PIK3C2G: variants seen among roughly 807,000 people sequenced by gnomAD.
The protein encoded by PIK3C2G is phosphatidylinositol-4-phosphate 3-kinase catalytic subunit type 2 gamma, also known as phosphatidylinositol 3-kinase C2 domain-containing subunit gamma.
Under a neutral mutation model 181.1 loss-of-function variants are expected in PIK3C2G, and 168 were observed. The ratio of observed to expected loss-of-function variants is 0.93; its 90% CI spans 0.82 to 1.05. The LOEUF (loss-of-function observed/expected upper bound fraction) is 1.05. PIK3C2G is among the 50% of genes least tolerant of loss of function. The pLI is 0.00. For synonymous variants in PIK3C2G, 573 were observed against 592.2 expected, an observed-to-expected ratio of 0.97 and a Z score of 0.47; for missense variants, 1,869 against 1,732.8, an observed-to-expected ratio of 1.08 and a Z score of -1.40.
chr12:18,723,646 G>T, the PIK3C2G span: 1 of 923,174 alleles, frequency 1.1e-6, no homozygotes, highest in Non-Finnish European at 1.7e-6. Context: ...CTTGAAAGAA[G>T]ATGAAAATTA....
intron 6 of PIK3C2G, chr12:18,314,428 C>T (rs1565588332): frequency 6.1e-6 from 1 of 163,542 alleles, no homozygotes; most frequent in Non-Finnish European, 1.3e-5. Flanking sequence ...TGGTAAGTGC[C>T]CTTATAAAAA....
intron 8 of PIK3C2G, among the ~76,000 whole-genome samples, chr12:18,333,410 T>C (rs1938181902): frequency 2.0e-5 from 3 of 152,082 alleles, no homozygotes; most frequent in Non-Finnish European, 1.5e-5. Flanking sequence ...CTACATTAAG[T>C]ATTTCTCCTA....
chr12:18,465,707 T>G (rs1174843779), intron 18 of PIK3C2G, among the ~76,000 whole-genome samples: 1 of 151,852 alleles, frequency 6.6e-6, no homozygotes, highest in Non-Finnish European at 1.5e-5. Flanking sequence ...TTCTGGCCAT[T>G]TTTAAGACTT....
At chr12:18,292,227 A>AAAAAAAAAAAAATATATATATAT in intron 4 of PIK3C2G, among the ~76,000 whole-genome samples, 1 of 48,750 alleles carries the variant, frequency 2.1e-5, no homozygotes, top group Non-Finnish European at 3.3e-5. Context: ...AAAAAAAAAA[A>AAAAAAAAAAAAATATATATATAT]ATATATATAT....
chr12:18,579,333 T>C (rs191643225), intron 29 of PIK3C2G, among the ~76,000 whole-genome samples: 1 of 152,346 alleles, frequency 6.6e-6, no homozygotes, highest in East Asian at 1.9e-4. Flanking sequence ...AACTTGCTAA[T>C]ATGAAATATT....
upstream of PIK3C2G, among the ~76,000 whole-genome samples, chr12:18,261,106 T>C (rs1948220717): frequency 6.6e-6 from 1 of 152,104 alleles, no homozygotes; most frequent in Non-Finnish European, 1.5e-5. Context: ...ACAGAATGGC[T>C]AGAATACCTT....
At chr12:18,668,194 C>A in the PIK3C2G span, among the ~76,000 whole-genome samples, 2 of 152,134 alleles carry the variant, frequency 1.3e-5, 1 homozygote, top group South Asian at 4.1e-4. Context: ...TCCAGTCATA[C>A]TTTCAATAAC....
At chr12:18,266,522 G>C (rs935961981) in intron 1 of PIK3C2G, among the ~76,000 whole-genome samples, 2 of 152,054 alleles carry the variant, frequency 1.3e-5, no homozygotes, top group Non-Finnish European at 2.9e-5. Flanking sequence ...TTTTTAAAGA[G>C]TTACTATTAG....
At chr12:18,678,196 TAG>T in the PIK3C2G span, among the ~76,000 whole-genome samples, 2 of 152,060 alleles carry the variant, frequency 1.3e-5, no homozygotes, top group African/African-American at 4.8e-5. Flanking sequence ...CTGATCCAAT[TAG>T]AGGTCTGGCT....
chr12:18,420,315 A>G (rs143688307), intron 16 of PIK3C2G, among the ~76,000 whole-genome samples: 1 of 152,216 alleles, frequency 6.6e-6, no homozygotes, highest in East Asian at 1.9e-4. Context: ...TTCAAATGCT[A>G]AATACCTCAC....
At chr12:18,718,421 T>TA in the PIK3C2G span, among the ~76,000 whole-genome samples, 1 of 152,268 alleles carries the variant, frequency 6.6e-6, no homozygotes, top group Non-Finnish European at 1.5e-5. Context: ...GCAGCTGGGA[T>TA]AAAATCTATT....
At position 18,476,871 on chromosome 12, in the gene PIK3C2G, G is replaced by GA. The variant is rs796118267; in HGVS notation, c.2505-11567dup. 6.9e-3 allele frequency among the ~76,000 whole-genome samples: 990 copies of GA among 142,960 alleles called. 11 individuals are homozygous for GA. The highest frequency in any genetic ancestry group is 0.022 in the African/African-American group (869 of 39,238). The allele number at this position is 142,960 out of a possible 152,430, so 93.8% of individuals were successfully genotyped here. ...TAAATAGATGAACATGGTCTGGATT[G>GA]AAAAAAAAAAAGAGTTCTAAGTTGG... On this transcript the variant is annotated intron_variant, in intron 18 of 32. Transcript: ENST00000538779.
At chr12:18,367,674 C>A (rs1464810987) in intron 12 of PIK3C2G, among the ~76,000 whole-genome samples, 1 of 152,126 alleles carries the variant, frequency 6.6e-6, no homozygotes, top group African/African-American at 2.4e-5. Flanking sequence ...CCTGCCTCAG[C>A]CTCCCAAGTA....
At chr12:18,391,044 A>G (rs905733457) in intron 14 of PIK3C2G, 78 bp from the exon 15 acceptor site, 4 of 1,010,394 alleles carry the variant, frequency 4.0e-6, no homozygotes, top group Middle Eastern at 2.7e-4. Flanking sequence ...GTTTCTATAA[A>G]TCTAAGATAG....
chr12:18,703,351 C>T, the PIK3C2G span, among the ~76,000 whole-genome samples: 1 of 152,072 alleles, frequency 6.6e-6, no homozygotes, highest in Non-Finnish European at 1.5e-5. Context: ...AAATTTTTCA[C>T]TGATTTAAAT....
chr12:18,694,667 G>C, the PIK3C2G span, among the ~76,000 whole-genome samples: 5 of 152,134 alleles, frequency 3.3e-5, no homozygotes, highest in Non-Finnish European at 7.4e-5. Context: ...AGAACTTTGA[G>C]AGGAGAAGGT....
In PIK3C2G at chr12:18,585,578, G is replaced by A. The variant is rs1027155940; in HGVS notation, c.4012-8916G>A. On this transcript the variant is annotated intron_variant, in intron 29 of 32. Transcript: ENST00000538779. ...TTCTTAGAGACCTACACAGAGATTA[G>A]ACTCCCACACAATAATAGTGTGAGA... Among the ~76,000 whole-genome samples, 6 of 152,234 alleles carry A rather than the reference G, an allele frequency of 3.9e-5. No individual in the cohort carries two copies. The South Asian group carries it at 1.2e-3, about 32-fold the overall frequency.
intron 30 of PIK3C2G, among the ~76,000 whole-genome samples, chr12:18,599,288 C>A (rs1272379686): frequency 1.3e-5 from 2 of 152,064 alleles, no homozygotes; most frequent in Admixed American, 6.6e-5. Context: ...GAAAATGTGG[C>A]ACATATACAC....
Position 18,455,574 on chromosome 12 carries a change from T to C in PIK3C2G, c.2504+31535T>C, listed in dbSNP as rs545175560. 7.9e-5 allele frequency among the ~76,000 whole-genome samples: 12 copies of C among 152,226 alleles called. No homozygotes were observed. The East Asian group carries it at 2.1e-3, about 27-fold the overall frequency. ...CATAAACCAAGTGGCTTATAAATGA[T>C]AGGAATTTATTCCTATCAGTTCTGA... On this transcript the variant is annotated intron_variant, in intron 18 of 32. Transcript: ENST00000538779.
Sources: gnomAD v4.1 joint callset for allele counts (sites outside exome capture counted in the v4.1 genomes callset) on GRCh38, gnomAD v4.1.1 for gene constraint, MANE v1.5 for transcripts, NCBI Gene and HGNC (gene_info 2026-07-23, HGNC 2026-07-21) for gene names.